Variants in TWSG1 observed in about 807,000 individuals in gnomAD.
TWSG1 encodes the protein twisted gastrulation BMP signaling modulator 1, also known as twisted gastrulation protein homolog 1.
A neutral mutation model predicts 23.0 loss-of-function variants in TWSG1; 15 were observed. The observed-to-expected ratio is 0.65, with a 90% confidence interval of 0.44 to 1.00. The LOEUF is 1.00. TWSG1 is among the 50% of genes least tolerant of loss of function. The pLI is 0.00. For missense variants in TWSG1, 242 were observed against 278.7 expected, an observed-to-expected ratio of 0.87 and a Z score of 0.94; for synonymous variants, 86 against 92.8, an observed-to-expected ratio of 0.93 and a Z score of 0.42.
intron 2 of TWSG1, among the ~76,000 whole-genome samples, chr18:9,354,640 T>C (rs532168843): frequency 1.2e-4 from 19 of 152,358 alleles, no homozygotes; most frequent in African/African-American, 4.6e-4. Flanking sequence ...ATTTAATCAC[T>C]GTTTCTGAAT....
intron 3 of TWSG1, among the ~76,000 whole-genome samples, chr18:9,380,631 A>G (rs761716807): frequency 1.2e-4 from 19 of 152,214 alleles, no homozygotes; most frequent in Non-Finnish European, 2.4e-4. Context: ...GCTGTAGTCT[A>G]TGAACTTAGA....
chr18:9,399,722 C>T lies in TWSG1; in HGVS notation c.*195C>T, dbSNP rs2040754442. 1 of 489,384 alleles carries T rather than the reference C, an allele frequency of 2.0e-6. No individual in the cohort carries two copies. Among genetic ancestry groups the T allele is most frequent in the Admixed American group, 4.0e-5 (1 of 24,826 alleles). 30.3% of individuals were successfully genotyped at this position (489,384 alleles called of 1,614,324 possible). A position where few individuals can be genotyped will look rare whatever the true frequency, so the allele number is the denominator to read the frequency against. ...TAACTGTTCTTACTGATTTTATTGC[C>T]CCCTAGCAATAAGCCCTTTCCTTTG... On this transcript the variant is annotated 3_prime_UTR_variant, in exon 5 of 5. Transcript: ENST00000262120.
At chr18:9,374,895 C>T (rs186891484) in intron 3 of TWSG1, among the ~76,000 whole-genome samples, 4 of 152,108 alleles carry the variant, frequency 2.6e-5, no homozygotes, top group Non-Finnish European at 5.9e-5. Flanking sequence ...GGGTGTGGTG[C>T]GGTGGCTCAC....
In TWSG1 at chr18:9,383,172, C is replaced by T. The variant is rs948141555; in HGVS notation, c.224-13108C>T. Among the ~76,000 whole-genome samples, 11 of 145,650 alleles carry T rather than the reference C, an allele frequency of 7.6e-5. No individual in the cohort carries two copies. The South Asian group carries it at 2.4e-3, about 32-fold the overall frequency. The stretch of plus-strand genomic sequence containing the variant: ...ATTGGAGAGTGTATGGTGGTGATAT[C>T]CGAATTACACGTTTTTTTTTTGTTT... On this transcript the variant is annotated intron_variant, in intron 3 of 4. Transcript: ENST00000262120.
intron 2 of TWSG1, among the ~76,000 whole-genome samples, chr18:9,347,098 A>G (rs2040480786): frequency 6.6e-6 from 1 of 152,192 alleles, no homozygotes; most frequent in African/African-American, 2.4e-5. Flanking sequence ...AGCGTCTTAT[A>G]CTTATTTGCC....
intron 2 of TWSG1, among the ~76,000 whole-genome samples, chr18:9,338,287 C>T (rs1273158159): frequency 1.3e-5 from 2 of 152,216 alleles, no homozygotes; most frequent in Non-Finnish European, 2.9e-5. Context: ...CCATTTCGTA[C>T]TCTGATAACC....
chr18:9,372,295 T>A (rs1156513153), intron 3 of TWSG1, among the ~76,000 whole-genome samples: 8 of 151,326 alleles, frequency 5.3e-5, no homozygotes, highest in African/African-American at 1.9e-4. Context: ...ATTCCTATGA[T>A]ACAGTTTAAT....
At chr18:9,358,750 G>A (rs2040538724) in intron 2 of TWSG1, among the ~76,000 whole-genome samples, 1 of 152,166 alleles carries the variant, frequency 6.6e-6, no homozygotes, top group South Asian at 2.1e-4. Context: ...CACTATAGAA[G>A]CGATTCAGGT....
chr18:9,379,697 A>G (rs940579176), intron 3 of TWSG1, among the ~76,000 whole-genome samples: 3 of 152,218 alleles, frequency 2.0e-5, no homozygotes, highest in African/African-American at 4.8e-5. Flanking sequence ...AATAGATCCC[A>G]GAGGAAAAAA....
At chr18:9,372,521 GTATATATATT>G (rs1228821705) in intron 3 of TWSG1, among the ~76,000 whole-genome samples, 2 of 147,706 alleles carry the variant, frequency 1.4e-5, no homozygotes, top group African/African-American at 4.9e-5. Flanking sequence ...ACTACTGTAT[GTATATATATT>G]TATATATATT....
chr18:9,347,824 TG>T (rs1335993466), intron 2 of TWSG1, among the ~76,000 whole-genome samples: 2 of 152,168 alleles, frequency 1.3e-5, no homozygotes, highest in Admixed American at 6.5e-5. Flanking sequence ...ATTATTTACT[TG>T]TTTTTTTTGG....
intron 3 of TWSG1, among the ~76,000 whole-genome samples, chr18:9,374,249 C>T (rs2040618836): frequency 6.6e-6 from 1 of 151,918 alleles, no homozygotes; most frequent in South Asian, 2.1e-4. Context: ...AAATCAAAAG[C>T]TGTTTTTTTC....
chr18:9,360,824 T>C (rs554898836), intron 3 of TWSG1, among the ~76,000 whole-genome samples: 2 of 152,346 alleles, frequency 1.3e-5, no homozygotes, highest in African/African-American at 4.8e-5. Context: ...TTCCAAGCCT[T>C]TGATCCTATG....
intron 3 of TWSG1, among the ~76,000 whole-genome samples, chr18:9,375,193 C>G (rs1275364711): frequency 7.1e-6 from 1 of 140,946 alleles, no homozygotes; most frequent in Non-Finnish European, 1.5e-5. Context: ...AAAAATCAAG[C>G]AATGTAATCT....
Position 9,371,060 on chromosome 18 carries a change from T to A in TWSG1, c.223+10989T>A, listed in dbSNP as rs530385412. Among the ~76,000 whole-genome samples, 4 of 151,962 alleles carry A rather than the reference T, an allele frequency of 2.6e-5. No homozygotes were observed. In the East Asian group the frequency reaches 7.7e-4, roughly 29 times the overall value. ...CTTAAAAAAAAAAAACCCTTTTGTGTGATACCTATTGGGCCTATTAGATTT... is the reference window on the plus strand; with the variant it reads ...CTTAAAAAAAAAAAACCCTTTTGTGAGATACCTATTGGGCCTATTAGATTT... On this transcript the variant is annotated intron_variant, in intron 3 of 4. Coordinates refer to ENST00000262120, the MANE Select transcript of TWSG1 (RefSeq NM_020648.6).
At chr18:9,347,270 T>C (rs1449269497) in intron 2 of TWSG1, among the ~76,000 whole-genome samples, 1 of 152,218 alleles carries the variant, frequency 6.6e-6, no homozygotes, top group African/African-American at 2.4e-5. Flanking sequence ...AGTCTATGGC[T>C]TGTCATCTGA....
intron 2 of TWSG1, among the ~76,000 whole-genome samples, chr18:9,346,443 A>T (rs956620562): frequency 5.3e-5 from 8 of 152,200 alleles, no homozygotes; most frequent in African/African-American, 9.7e-5. Context: ...CCATTCACTT[A>T]TTGAAGGACA....
At chr18:9,390,247 G>C (rs34413792) in intron 3 of TWSG1, among the ~76,000 whole-genome samples, 18 of 151,608 alleles carry the variant, frequency 1.2e-4, no homozygotes, top group South Asian at 4.2e-4. Context: ...TGCAACCTCC[G>C]CCCCTCCAGG....
At chr18:9,398,526 C>T (rs1407659933) in intron 4 of TWSG1, among the ~76,000 whole-genome samples, 10 of 152,050 alleles carry the variant, frequency 6.6e-5, no homozygotes, top group Non-Finnish European at 1.3e-4. Flanking sequence ...GGCGCAATCT[C>T]GGCTCACTGC....
Sources: allele counts gnomAD v4.1 joint callset (sites outside exome capture counted in the v4.1 genomes callset), GRCh38; gene constraint gnomAD v4.1.1; transcripts MANE v1.5; gene names NCBI Gene and HGNC (gene_info 2026-07-23, HGNC 2026-07-21).